The following PAM variants were observed in gnomAD, a reference collection of about 807,000 sequenced individuals.
PAM encodes peptidylglycine alpha-amidating monooxygenase.
PAM carries 72 observed loss-of-function variants against 122.1 expected under a neutral mutation model. The ratio of observed to expected loss-of-function variants is 0.59; its 90% confidence interval spans 0.49 to 0.72. The LOEUF (loss-of-function observed/expected upper bound fraction) is 0.72, where lower values mean the gene tolerates loss of function less well. Among genes scored for constraint, PAM ranks in the 30% least tolerant of loss-of-function variants. The pLI is 0.00. For missense variants in PAM, 1,106 were observed against 1,183.7 expected (o/e 0.93, Z 0.96); for synonymous variants, 389 against 404.4 (o/e 0.96, Z 0.46).
At chr5:102,810,234 C>T (rs976548395) in intron 1 of PAM, among the ~76,000 whole-genome samples, 1 of 152,044 alleles carries the variant, frequency 6.6e-6, no homozygotes, top group Non-Finnish European at 1.5e-5. Context: ...AAAATATCCA[C>T]GAAAATACAC....
intron 1 of PAM, among the ~76,000 whole-genome samples, chr5:102,845,620 AGGT>A (rs1779768500): frequency 6.6e-6 from 1 of 152,218 alleles, no homozygotes; most frequent in African/African-American, 2.4e-5. Flanking sequence ...AAACTAATTA[AGGT>A]CAGAACATCC....
At chr5:102,864,723 C>T (rs1052504581) in intron 1 of PAM, among the ~76,000 whole-genome samples, 2 of 152,022 alleles carry the variant, frequency 1.3e-5, no homozygotes, top group African/African-American at 4.8e-5. Flanking sequence ...ACACATCTTC[C>T]CATCAAATTC....
At chr5:102,789,410 G>T (rs1213883759) in intron 1 of PAM, among the ~76,000 whole-genome samples, 2 of 152,088 alleles carry the variant, frequency 1.3e-5, no homozygotes, top group Non-Finnish European at 2.9e-5. Flanking sequence ...CAGATGAATG[G>T]ATAAACAAAA....
intron 7 of PAM, among the ~76,000 whole-genome samples, chr5:102,941,260 C>T (rs997433037): frequency 7.2e-5 from 11 of 152,200 alleles, no homozygotes; most frequent in African/African-American, 2.7e-4. Context: ...TTGTGAAAGT[C>T]GTCGTCTTGC....
intron 12 of PAM, among the ~76,000 whole-genome samples, chr5:102,953,482 G>T (rs935289316): frequency 2.0e-5 from 3 of 152,018 alleles, no homozygotes; most frequent in Non-Finnish European, 4.4e-5. Flanking sequence ...AATACCACAT[G>T]ATCTCACTTA....
intron 1 of PAM, among the ~76,000 whole-genome samples, chr5:102,852,415 T>C (rs1781547208): frequency 6.6e-6 from 1 of 152,108 alleles, no homozygotes; most frequent in South Asian, 2.1e-4. Flanking sequence ...TTTAAAAGAG[T>C]AATGCTCTGT....
At chr5:102,798,267 TAA>T (rs1474700448) in intron 1 of PAM, among the ~76,000 whole-genome samples, 1 of 152,214 alleles carries the variant, frequency 6.6e-6, no homozygotes, top group East Asian at 1.9e-4. Context: ...AATCACAATG[TAA>T]AGAGTTCTGT....
chr5:102,855,929 T>G (rs552546819), intron 1 of PAM, among the ~76,000 whole-genome samples: 10 of 152,102 alleles, frequency 6.6e-5, no homozygotes. Flanking sequence ...AAAGAAGCAG[T>G]ACAAAGCATT....
intron 3 of PAM, among the ~76,000 whole-genome samples, chr5:102,882,659 C>G (rs1483463016): frequency 2.0e-5 from 3 of 152,006 alleles, no homozygotes; most frequent in African/African-American, 7.2e-5. Flanking sequence ...TTTTCTCCCA[C>G]CCTGTGGGTT....
At chr5:103,009,494 A>G (rs1050383448) in intron 20 of PAM, among the ~76,000 whole-genome samples, 1 of 152,000 alleles carries the variant, frequency 6.6e-6, no homozygotes, top group Admixed American at 6.6e-5. Flanking sequence ...TGTATTTCTG[A>G]TTTCTACTGG....
chr5:102,823,780 C>T (rs1772774369), intron 1 of PAM, among the ~76,000 whole-genome samples: 1 of 152,154 alleles, frequency 6.6e-6, no homozygotes, highest in Non-Finnish European at 1.5e-5. Context: ...GTAATCTATG[C>T]TCATAAGTGA....
intron 1 of PAM, among the ~76,000 whole-genome samples, chr5:102,758,247 C>G (rs1354453738): frequency 2.0e-5 from 3 of 151,926 alleles, no homozygotes; most frequent in Non-Finnish European, 4.4e-5. Context: ...TATCTATCTG[C>G]TATGTGCAGA....
At chr5:102,881,702 T>C (rs74898617) in intron 3 of PAM, among the ~76,000 whole-genome samples, 35 of 149,214 alleles carry the variant, frequency 2.3e-4, no homozygotes, top group African/African-American at 8.1e-4. Flanking sequence ...TTTTTTTTTT[T>C]CAATAGGTTT....
At chr5:102,765,484 A>T (rs1753636469) in intron 1 of PAM, among the ~76,000 whole-genome samples, 1 of 152,190 alleles carries the variant, frequency 6.6e-6, no homozygotes, top group Non-Finnish European at 1.5e-5. Context: ...CATAGTGTAG[A>T]GTCATGTAAG....
At chr5:102,872,832 T>C (rs1355573757) in intron 3 of PAM, among the ~76,000 whole-genome samples, 1 of 152,244 alleles carries the variant, frequency 6.6e-6, no homozygotes, top group African/African-American at 2.4e-5. Flanking sequence ...TATATATTTT[T>C]TAATTCCATC....
intron 7 of PAM, among the ~76,000 whole-genome samples, chr5:102,943,638 T>A (rs1756027555): frequency 6.6e-6 from 1 of 152,164 alleles, no homozygotes; most frequent in African/African-American, 2.4e-5. Flanking sequence ...TGTCACCAAT[T>A]AGCTGAATTA....
At chr5:102,942,344 A>G (rs1344913128) in intron 7 of PAM, among the ~76,000 whole-genome samples, 1 of 152,066 alleles carries the variant, frequency 6.6e-6, no homozygotes, top group African/African-American at 2.4e-5. Context: ...AGAACAAAGA[A>G]CCATAAGGTA....
At chr5:103,025,497 C>T (rs1784709972) in intron 24 of PAM, 163 bp downstream of exon 24, 3 of 662,262 alleles carry the variant, frequency 4.5e-6, no homozygotes, top group East Asian at 2.7e-5. Flanking sequence ...AAATATTGCC[C>T]CTAGTTAATA....
chr5:102,909,752 A>G (rs1023208248), intron 4 of PAM, among the ~76,000 whole-genome samples: 3 of 151,886 alleles, frequency 2.0e-5, no homozygotes, highest in Non-Finnish European at 4.4e-5. Flanking sequence ...ATGTAAAAAT[A>G]CCCATGATAT....
Sources: allele counts gnomAD v4.1 joint callset (sites outside exome capture counted in the v4.1 genomes callset), GRCh38; gene constraint gnomAD v4.1.1; transcripts MANE v1.5; gene names NCBI Gene and HGNC (gene_info 2026-07-23, HGNC 2026-07-21).